The following TRPC1 variants were observed in gnomAD, a reference collection of about 807,000 sequenced individuals.
The protein encoded by TRPC1 is short transient receptor potential channel 1.
In TRPC1, 42 loss-of-function variants were observed where a neutral mutation model predicts 88.2. The observed-to-expected ratio is 0.48, with a 90% CI of 0.37 to 0.62. The LOEUF (loss-of-function observed/expected upper bound fraction) is 0.62, where lower values mean the gene tolerates loss of function less well. Among genes scored for constraint, TRPC1 ranks in the 20% least tolerant of loss-of-function variants. The pLI, the probability that TRPC1 is intolerant of heterozygous loss-of-function variation, is 0.00. For synonymous variants in TRPC1, 288 were observed against 331.8 expected (o/e 0.87, Z 1.43); for missense variants, 699 against 957.3 (o/e 0.73, Z 3.56).
In TRPC1 at chr3:142,743,398, TAA is replaced by T; in HGVS notation, c.328-83_328-82del. On this transcript the variant is annotated intron_variant, in intron 2 of 12. Coordinates refer to ENST00000476941, the MANE Select transcript of TRPC1 (RefSeq NM_001251845.2). ...CTGTATATAATACAGTTTAAATTTT[TAA>T]AAAGTTTTATTTATGAATTAGTAAA... is the stretch of plus-strand genomic sequence containing the variant. 5 of 1,087,372 alleles carry T rather than the reference TAA, an allele frequency of 4.6e-6. No homozygotes were observed. In the South Asian group the frequency reaches 8.9e-5, roughly 19 times the overall value. The allele number at this position is 1,087,372 out of a possible 1,614,324, so 67.4% of individuals were successfully genotyped here. A position where few individuals can be genotyped will look rare whatever the true frequency, so the allele number is the denominator to read the frequency against.
intron 4 of TRPC1, among the ~76,000 whole-genome samples, chr3:142,763,987 C>CATATATATATATATATAT (rs1935293242): frequency 3.8e-5 from 1 of 26,224 alleles, no homozygotes; most frequent in African/African-American, 2.8e-4. Context: ...TATATATACA[C>CATATATATATATATATAT]ATACATACAT....
intron 4 of TRPC1, among the ~76,000 whole-genome samples, chr3:142,773,086 A>G (rs1285321021): frequency 1.3e-5 from 2 of 152,232 alleles, no homozygotes. Context: ...AAATAAAGTT[A>G]TATTTTGATG....
intron 2 of TRPC1, among the ~76,000 whole-genome samples, chr3:142,739,936 T>A (rs1456714001): frequency 6.6e-6 from 1 of 152,122 alleles, no homozygotes; most frequent in African/African-American, 2.4e-5. Context: ...CAGCAGGAGG[T>A]AAGCAGCAGG....
rs1393101493 is a variant in TRPC1, at chr3:142,807,527, C to T, written c.*1292C>T. On this transcript the variant is annotated 3_prime_UTR_variant, in exon 13 of 13. Coordinates refer to ENST00000476941, the MANE Select transcript of TRPC1 (RefSeq NM_001251845.2). ...GTCTTACGCCACAGGGTGCAGGTAA[C>T]CCTTGGTCTGTAAGCACCACCGATC... The T allele has an allele frequency of 6.6e-6, 1 of 152,120 alleles. No homozygotes were observed. The highest frequency in any genetic ancestry group is 1.9e-4 in the East Asian group (1 of 5,196). The allele number at this position is 152,120 out of a possible 1,614,324, so 9.4% of individuals were successfully genotyped here.
intron 4 of TRPC1, among the ~76,000 whole-genome samples, chr3:142,772,333 C>G (rs55682570): frequency 0.024 from 3,666 of 152,062 alleles, 144 homozygotes; most frequent in African/African-American, 0.083. Context: ...CTCTTAGGCT[C>G]TGTTCATTTT....
intron 10 of TRPC1, 109 bp from the exon 11 acceptor site, chr3:142,803,868 T>G (rs1936695750): frequency 8.6e-7 from 1 of 1,159,840 alleles, no homozygotes; most frequent in Non-Finnish European, 1.2e-6. Context: ...ATAAGGAACT[T>G]TTCATGGATT....
At chr3:142,801,247 C>A (rs1015466381) in intron 9 of TRPC1, 1 of 151,772 alleles carries the variant, frequency 6.6e-6, no homozygotes, top group African/African-American at 2.4e-5. Flanking sequence ...GCAGGCTTTC[C>A]GGTTCTTGCG....
At chr3:142,735,841 TA>T (rs1368756099) in intron 1 of TRPC1, among the ~76,000 whole-genome samples, 2 of 152,148 alleles carry the variant, frequency 1.3e-5, no homozygotes, top group African/African-American at 4.8e-5. Context: ...TCTTTCCCTT[TA>T]CTATACATAT....
chr3:142,763,965 T>TATATATATACACATACATACATAC (rs1412424987), intron 4 of TRPC1, among the ~76,000 whole-genome samples: 2 of 65,498 alleles, frequency 3.1e-5, no homozygotes, highest in Admixed American at 1.1e-4. Flanking sequence ...AAGAAATATA[T>TATATATATACACATACATACATAC]ATATATATAT....
intron 1 of TRPC1, among the ~76,000 whole-genome samples, chr3:142,733,281 GC>G (rs534416002): frequency 1.3e-5 from 2 of 152,166 alleles, no homozygotes; most frequent in Non-Finnish European, 2.9e-5. Flanking sequence ...GGAGGCCAAG[GC>G]GGGCAGATCA....
At chr3:142,733,114 G>T (rs1430741527) in intron 1 of TRPC1, among the ~76,000 whole-genome samples, 1 of 145,386 alleles carries the variant, frequency 6.9e-6, no homozygotes, top group Non-Finnish European at 1.5e-5. Flanking sequence ...CTGTAGCAGG[G>T]TGGAACCTTT....
At chr3:142,747,260 A>T (rs1273254386) in intron 3 of TRPC1, among the ~76,000 whole-genome samples, 3 of 152,186 alleles carry the variant, frequency 2.0e-5, no homozygotes, top group African/African-American at 7.2e-5. Flanking sequence ...TAGTAGGAAT[A>T]TGGGTATTTT....
intron 9 of TRPC1, 86 bp from the exon 10 acceptor site, chr3:142,802,080 GTCT>G (rs1936637105): frequency 1.1e-6 from 1 of 909,990 alleles, no homozygotes; most frequent in Non-Finnish European, 1.6e-6. Flanking sequence ...TTATGTGTTT[GTCT>G]TCTTCCTTTT....
intron 3 of TRPC1, among the ~76,000 whole-genome samples, chr3:142,746,225 T>G (rs1260955353): frequency 6.6e-6 from 1 of 152,236 alleles, no homozygotes; most frequent in African/African-American, 2.4e-5. Context: ...ATTCTTGGCT[T>G]GCCAGATTGT....
chr3:142,795,631 C>CA (rs2108149605), intron 9 of TRPC1, among the ~76,000 whole-genome samples: 1 of 151,584 alleles, frequency 6.6e-6, no homozygotes, highest in Non-Finnish European at 1.5e-5. Flanking sequence ...AAATATCATT[C>CA]AAAAATGAAG....
intron 7 of TRPC1, among the ~76,000 whole-genome samples, chr3:142,785,633 T>C (rs1936110765): frequency 1.3e-5 from 2 of 152,100 alleles, no homozygotes; most frequent in African/African-American, 4.8e-5. Flanking sequence ...TCCCAGTAGC[T>C]GGGATTACAG....
intron 4 of TRPC1, among the ~76,000 whole-genome samples, chr3:142,756,656 G>A (rs1934978030): frequency 6.6e-6 from 1 of 152,122 alleles, no homozygotes; most frequent in African/African-American, 2.4e-5. Context: ...ACTGCACCAG[G>A]CCCTGGTATG....
chr3:142,759,508 C>A (rs1419613233), intron 4 of TRPC1, among the ~76,000 whole-genome samples: 1 of 152,172 alleles, frequency 6.6e-6, no homozygotes, highest in Admixed American at 6.5e-5. Flanking sequence ...CCTTTGCCCA[C>A]TTTTTGATGG....
chr3:142,752,260 TG>T (rs1934792002), intron 4 of TRPC1, among the ~76,000 whole-genome samples: 1 of 152,328 alleles, frequency 6.6e-6, no homozygotes, highest in African/African-American at 2.4e-5. Flanking sequence ...CAAAAAGGAA[TG>T]TAGTAGGAGA....
Sources: gnomAD v4.1 joint callset for allele counts (sites outside exome capture counted in the v4.1 genomes callset) on GRCh38, gnomAD v4.1.1 for gene constraint, MANE v1.5 for transcripts, NCBI Gene and HGNC (gene_info 2026-07-23, HGNC 2026-07-21) for gene names.